The following MTMR8 variants were observed in gnomAD, a reference collection of about 807,000 sequenced individuals.
MTMR8 encodes phosphatidylinositol-3,5-bisphosphate 3-phosphatase MTMR8.
MTMR8 carries 65 observed loss-of-function variants against 39.3 expected under a neutral mutation model. The observed-to-expected ratio is 1.65, with a 90% confidence interval of 1.35 to 2.03. The LOEUF is 2.03. MTMR8 is among the 30% of genes most tolerant of loss of function. The pLI, the probability that MTMR8 is intolerant of heterozygous loss-of-function variation, is 0.00. For synonymous variants in MTMR8, 245 were observed against 185.2 expected (o/e 1.32, Z -2.62); for missense variants, 777 against 538.9 (o/e 1.44, Z -4.37).
At chrX:64,302,168 G>C (rs1460945114) in intron 12 of MTMR8, among the ~76,000 whole-genome samples, 1 of 112,497 alleles carries the variant, frequency 8.9e-6, no homozygotes, top group South Asian at 3.7e-4. Context: ...CCCCAGCCTC[G>C]CTGCTGCCTT....
intron 12 of MTMR8, among the ~76,000 whole-genome samples, chrX:64,310,035 G>A (rs1922247715): frequency 9.0e-6 from 1 of 110,797 alleles, no homozygotes; most frequent in African/African-American, 3.3e-5. Flanking sequence ...GTGCCACATC[G>A]ATGTACTCAT....
At chrX:64,278,758 C>T (rs1210529936) in intron 12 of MTMR8, among the ~76,000 whole-genome samples, 4 of 111,047 alleles carry the variant, frequency 3.6e-5, no homozygotes, top group African/African-American at 1.3e-4. Flanking sequence ...AGGCATGAGC[C>T]ACCATGCCCA....
chrX:64,353,453 A>G (rs1923537251), intron 4 of MTMR8, among the ~76,000 whole-genome samples: 1 of 112,398 alleles, frequency 8.9e-6, no homozygotes, highest in African/African-American at 3.2e-5. Flanking sequence ...GACATTTCTC[A>G]AAAGAGGACA....
intron 12 of MTMR8, among the ~76,000 whole-genome samples, chrX:64,299,818 T>C (rs1406449334): frequency 1.0e-5 from 1 of 99,396 alleles, no homozygotes; most frequent in African/African-American, 3.7e-5. Context: ...TCTTTACTTC[T>C]GCCTTCATTT....
At chrX:64,311,235 A>G (rs753641064) in intron 12 of MTMR8, among the ~76,000 whole-genome samples, 1 of 111,633 alleles carries the variant, frequency 9.0e-6, no homozygotes, top group South Asian at 3.7e-4. Flanking sequence ...TTTGATTTGC[A>G]TTTCTCTGAT....
intron 1 of MTMR8, among the ~76,000 whole-genome samples, chrX:64,387,777 AAAG>A (rs1346011863): frequency 1.8e-5 from 2 of 108,343 alleles, no homozygotes; most frequent in African/African-American, 6.7e-5. Context: ...GGAAGGTAAA[AAAG>A]AAGGGAGGAG....
chrX:64,293,871 G>T (rs1921479975), intron 12 of MTMR8, among the ~76,000 whole-genome samples: 1 of 111,661 alleles, frequency 9.0e-6, no homozygotes, highest in African/African-American at 3.3e-5. Context: ...TTGTACCCCT[G>T]AGACTATCCC....
intron 12 of MTMR8, among the ~76,000 whole-genome samples, chrX:64,309,969 G>A (rs971923406): frequency 9.0e-6 from 1 of 111,615 alleles, no homozygotes; most frequent in Non-Finnish European, 1.9e-5. Context: ...CAGGGTACTG[G>A]TGGTTGAAGG....
At chrX:64,369,677 T>C (rs1924076848) in intron 1 of MTMR8, among the ~76,000 whole-genome samples, 2 of 111,112 alleles carry the variant, frequency 1.8e-5, no homozygotes, top group Non-Finnish European at 3.8e-5. Flanking sequence ...GATGAGTTGA[T>C]GGGTGCAGCA....
intron 12 of MTMR8, among the ~76,000 whole-genome samples, chrX:64,290,609 C>T (rs989193535): frequency 3.6e-5 from 4 of 110,757 alleles, no homozygotes; most frequent in African/African-American, 1.3e-4. Flanking sequence ...CCACCTCCCC[C>T]TCATACCCAC....
chrX:64,269,147 G>A, intron 13 of MTMR8, 104 bp from the exon 14 acceptor site: 1 of 860,123 alleles, frequency 1.2e-6, no homozygotes, highest in Non-Finnish European at 1.6e-6. Context: ...ACTTATAATG[G>A]TAGCAAATGA....
intron 12 of MTMR8, among the ~76,000 whole-genome samples, chrX:64,301,919 C>A (rs753189212): frequency 6.2e-5 from 7 of 112,023 alleles, no homozygotes; most frequent in Middle Eastern, 4.6e-3. Flanking sequence ...GGTAGTCTGC[C>A]GGTTCTCAGA....
chrX:64,308,064 A>T (rs894681572), intron 12 of MTMR8, among the ~76,000 whole-genome samples: 16 of 111,501 alleles, frequency 1.4e-4, no homozygotes, highest in African/African-American at 5.2e-4. Flanking sequence ...ACCTATGTTG[A>T]TGGGTGCAGC....
At chrX:64,384,033 G>T (rs1201566953) in intron 1 of MTMR8, among the ~76,000 whole-genome samples, 1 of 111,996 alleles carries the variant, frequency 8.9e-6, no homozygotes, top group African/African-American at 3.3e-5. Flanking sequence ...ATACAATGGG[G>T]TTATAAGCAT....
rs181677213 is a variant in MTMR8, at chrX:64,359,723, G to A, written c.25-196C>T. 9.9e-4 allele frequency among the ~76,000 whole-genome samples: 109 copies of A among 110,541 alleles called. 1 individual carries two copies. The East Asian group carries it at 0.028, about 29-fold the overall frequency. On this transcript the variant is annotated intron_variant, in intron 1 of 13. Transcript: ENST00000374852. ...TGCGGGAAAAACTATGAAAGTGAGA[G>A]GAAAACCCGTATTCTAGAAAAGATA...
chrX:64,379,319 T>G (rs1262197931), intron 1 of MTMR8, among the ~76,000 whole-genome samples: 1 of 111,830 alleles, frequency 8.9e-6, no homozygotes, highest in Non-Finnish European at 1.9e-5. Flanking sequence ...GAAAATACAT[T>G]ACTAGAAAGG....
chrX:64,392,169 A>G (rs770720483), intron 1 of MTMR8, among the ~76,000 whole-genome samples: 12 of 111,715 alleles, frequency 1.1e-4, no homozygotes, highest in South Asian at 3.8e-4. Flanking sequence ...GGAATGTAAA[A>G]TTGGTAGTGT....
chrX:64,303,325 T>A (rs1471548100), intron 12 of MTMR8, among the ~76,000 whole-genome samples: 1 of 112,415 alleles, frequency 8.9e-6, no homozygotes, highest in East Asian at 2.8e-4. Flanking sequence ...TCTATTTGGA[T>A]AAATTTCATA....
At chrX:64,346,267 T>C (rs1395572743) in intron 6 of MTMR8, among the ~76,000 whole-genome samples, 1 of 111,410 alleles carries the variant, frequency 9.0e-6, no homozygotes, top group Non-Finnish European at 1.9e-5. Flanking sequence ...CAGGGTATAA[T>C]TTTTGTATTA....
Sources: allele counts gnomAD v4.1 joint callset (sites outside exome capture counted in the v4.1 genomes callset), GRCh38; gene constraint gnomAD v4.1.1; transcripts MANE v1.5; gene names NCBI Gene and HGNC (gene_info 2026-07-23, HGNC 2026-07-21).